Variants in PARPBP observed in about 807,000 individuals in gnomAD.
The protein encoded by PARPBP is PCNA-interacting partner.
PARPBP carries 52 observed loss-of-function variants against 50.0 expected under a neutral mutation model. The observed-to-expected ratio is 1.04, with a 90% CI of 0.83 to 1.31. PARPBP has a LOEUF of 1.31. PARPBP is among the 50% of genes most tolerant of loss of function. PARPBP has a pLI of 0.00. For synonymous variants in PARPBP, 244 were observed against 232.1 expected, an observed-to-expected ratio of 1.05 and a Z score of -0.47; for missense variants, 697 against 672.0, an observed-to-expected ratio of 1.04 and a Z score of -0.41.
Position 102,183,700 on chromosome 12 carries a change from A to G in PARPBP, c.1263+1073A>G, listed in dbSNP as rs1890049345. ...CAAAAAAATTTTTTTCTTGCTATGG[A>G]TACTGACAAACTTTAATATTTTGAT... On this transcript the variant is annotated intron_variant, in intron 9 of 10. Coordinates refer to ENST00000327680, the MANE Select transcript of PARPBP (RefSeq NM_017915.5). Among the ~76,000 whole-genome samples, 4 of 152,290 alleles carry G rather than the reference A, an allele frequency of 2.6e-5. No individual in the cohort carries two copies. The South Asian group carries it at 8.3e-4, about 32-fold the overall frequency.
intron 6 of PARPBP, among the ~76,000 whole-genome samples, chr12:102,169,618 C>G (rs1888490179): frequency 6.6e-6 from 1 of 152,166 alleles, no homozygotes; most frequent in Admixed American, 6.5e-5. Context: ...TTTACTGTTT[C>G]AGACTTTCAT....
At chr12:102,160,129 T>C (rs1157428345) in intron 4 of PARPBP, among the ~76,000 whole-genome samples, 1 of 152,210 alleles carries the variant, frequency 6.6e-6, no homozygotes, top group Non-Finnish European at 1.5e-5. Context: ...TAAAACTCAC[T>C]TGTAAATACA....
chr12:102,166,700 C>G (rs903116342), intron 6 of PARPBP, among the ~76,000 whole-genome samples: 2 of 152,096 alleles, frequency 1.3e-5, no homozygotes, highest in Non-Finnish European at 2.9e-5. Context: ...GGGATCTGAA[C>G]ACAGTCAGTA....
chr12:102,143,874 A>G (rs750603313), intron 2 of PARPBP, among the ~76,000 whole-genome samples: 3 of 152,194 alleles, frequency 2.0e-5, no homozygotes, highest in Non-Finnish European at 2.9e-5. Flanking sequence ...ATGGAAAGCA[A>G]TTACAGTACC....
chr12:102,173,889 T>C (rs183286841), intron 6 of PARPBP, among the ~76,000 whole-genome samples: 1 of 147,560 alleles, frequency 6.8e-6, no homozygotes, highest in Admixed American at 6.9e-5. Context: ...TTTTGTCTCT[T>C]CGGTGATATG....
rs1439515246 is a variant in PARPBP at position 102,179,770 on chromosome 12, T to C, written c.1184+1000T>C. Among the ~76,000 whole-genome samples the C allele has an allele frequency of 2.0e-5, 3 of 152,230 alleles. No homozygotes were observed. The East Asian group carries it at 5.8e-4, about 29-fold the overall frequency. ...TATAGTAGATGCTCTCCAGTTTTAA[T>C]GATTAGGTCAGTCGTTGAGTAGGTT... On this transcript the variant is annotated intron_variant, in intron 8 of 10. Coordinates refer to ENST00000327680, the MANE Select transcript of PARPBP (RefSeq NM_017915.5).
Position 102,175,664 on chromosome 12 carries a change from C to T in PARPBP, c.1003C>T (p.Arg335Trp), listed in dbSNP as rs376977323. 43 of 1,582,934 alleles carry T rather than the reference C, an allele frequency of 2.7e-5. No homozygotes were observed. The highest frequency in any genetic ancestry group is 8.1e-5 in the African/African-American group (6 of 73,714). The change falls in exon 7 of 11, where the codon CGG (arginine) becomes TGG (tryptophan). Residue 335 changes from arginine to tryptophan, a missense_variant and splice_region_variant. Transcript: ENST00000327680. ...TAGCACCACTGACATCAGTCCTGCT[C>T]GGGTAATGAGCTTTTTATTTTTCAT... ...ALSTTDISPA[R>W]PKSHAINHGT...
At chr12:102,163,231 CTA>C (rs1348608234) in intron 4 of PARPBP, among the ~76,000 whole-genome samples, 2 of 152,228 alleles carry the variant, frequency 1.3e-5, no homozygotes, top group African/African-American at 2.4e-5. Context: ...AAATACTACT[CTA>C]TCTTAATTAT....
At chr12:102,185,235 A>G (rs375000197) in intron 9 of PARPBP, among the ~76,000 whole-genome samples, 52 of 152,292 alleles carry the variant, frequency 3.4e-4, no homozygotes, top group African/African-American at 1.0e-3. Context: ...GGTTTTTATC[A>G]TGAAAGGGTG....
intron 2 of PARPBP, among the ~76,000 whole-genome samples, chr12:102,138,657 T>C (rs953316574): frequency 6.6e-6 from 1 of 152,196 alleles, no homozygotes; most frequent in African/African-American, 2.4e-5. Context: ...CTTGAATTAA[T>C]TTTTGTATAA....
chr12:102,192,114 CT>C (rs1280097274), intron 9 of PARPBP, among the ~76,000 whole-genome samples: 2 of 152,168 alleles, frequency 1.3e-5, no homozygotes, highest in African/African-American at 4.8e-5. Flanking sequence ...AATGAAGAAG[CT>C]GTTTGTAAGT....
intron 2 of PARPBP, among the ~76,000 whole-genome samples, chr12:102,142,929 C>T (rs976009220): frequency 1.3e-5 from 2 of 152,320 alleles, no homozygotes; most frequent in South Asian, 4.1e-4. Flanking sequence ...ACTTAGGCTA[C>T]TTGGTGTTCA....
At chr12:102,162,364 A>G (rs1887691815) in intron 4 of PARPBP, among the ~76,000 whole-genome samples, 1 of 152,192 alleles carries the variant, frequency 6.6e-6, no homozygotes, top group Non-Finnish European at 1.5e-5. Context: ...TTGAGTGGGA[A>G]TCGAGTTTAG....
intron 7 of PARPBP, 85 bp downstream of exon 7, chr12:102,175,751 T>G (rs1889209689): frequency 1.2e-6 from 1 of 836,980 alleles, no homozygotes; most frequent in East Asian, 2.8e-5. Flanking sequence ...TTATTGCTAC[T>G]TAAGTCAGAA....
intron 8 of PARPBP, among the ~76,000 whole-genome samples, chr12:102,180,344 A>G (rs1889706195): frequency 6.6e-6 from 1 of 152,160 alleles, no homozygotes; most frequent in Admixed American, 6.5e-5. Flanking sequence ...TCATTTTCTT[A>G]AAGTTATTTT....
chr12:102,134,106 A>G (rs1484931313), intron 2 of PARPBP, among the ~76,000 whole-genome samples: 1 of 151,894 alleles, frequency 6.6e-6, no homozygotes, highest in African/African-American at 2.4e-5. Flanking sequence ...AATAATAAAG[A>G]TGAGAGCAGA....
At chr12:102,147,472 A>C (rs1484987712) in intron 2 of PARPBP, among the ~76,000 whole-genome samples, 1 of 150,928 alleles carries the variant, frequency 6.6e-6, no homozygotes, top group East Asian at 2.0e-4. Context: ...AAGGACAAAA[A>C]ACCAAACACC....
At chr12:102,190,420 C>T (rs1217527754) in intron 9 of PARPBP, among the ~76,000 whole-genome samples, 1 of 152,138 alleles carries the variant, frequency 6.6e-6, no homozygotes, top group East Asian at 1.9e-4. Context: ...AAGATTTATA[C>T]AGCTGAGGTG....
At chr12:102,167,479 T>G (rs565665616) in intron 6 of PARPBP, among the ~76,000 whole-genome samples, 28 of 152,118 alleles carry the variant, frequency 1.8e-4, no homozygotes, top group Non-Finnish European at 3.4e-4. Context: ...TGAACTGTCC[T>G]TTCATATTTA....
Sources: allele counts gnomAD v4.1 joint callset (sites outside exome capture counted in the v4.1 genomes callset), GRCh38; gene constraint gnomAD v4.1.1; transcripts MANE v1.5; gene names NCBI Gene and HGNC (gene_info 2026-07-23, HGNC 2026-07-21).